CHCHD6: variants seen among roughly 807,000 people sequenced by gnomAD.
The protein encoded by CHCHD6 is MICOS complex subunit MIC25.
In CHCHD6, 28 loss-of-function variants were observed where a neutral mutation model predicts 32.3. The ratio of observed to expected loss-of-function variants is 0.87; its 90% CI spans 0.64 to 1.19. The LOEUF is 1.19. Ranked by LOEUF, CHCHD6 falls within the 50% of genes most tolerant of loss-of-function variation. The pLI, the probability that CHCHD6 is intolerant of heterozygous loss-of-function variation, is 0.00. For missense variants in CHCHD6, 333 were observed against 307.0 expected, an observed-to-expected ratio of 1.08 and a Z score of -0.63; for synonymous variants, 122 against 117.5, an observed-to-expected ratio of 1.04 and a Z score of -0.25.
chr3:126,810,046 A>AT (rs1181332122), intron 4 of CHCHD6, among the ~76,000 whole-genome samples: 1 of 152,226 alleles, frequency 6.6e-6, no homozygotes, highest in Non-Finnish European at 1.5e-5. Context: ...GACCCCTCAT[A>AT]TACAGAGAGT....
chr3:126,910,307 T>C (rs1403168765), intron 5 of CHCHD6, among the ~76,000 whole-genome samples: 3 of 75,208 alleles, frequency 4.0e-5, no homozygotes, highest in African/African-American at 1.1e-4. Context: ...AAATCTTCCC[T>C]GCCCCTCCTT....
intron 4 of CHCHD6, among the ~76,000 whole-genome samples, chr3:126,751,013 A>G (rs1197290821): frequency 6.6e-6 from 1 of 152,106 alleles, no homozygotes; most frequent in Non-Finnish European, 1.5e-5. Flanking sequence ...GGTAGGAGGG[A>G]GAGGAACGGT....
At chr3:126,803,798 A>G (rs1490639072) in intron 4 of CHCHD6, among the ~76,000 whole-genome samples, 1 of 152,188 alleles carries the variant, frequency 6.6e-6, no homozygotes, top group Non-Finnish European at 1.5e-5. Context: ...TCCAAAATTG[A>G]CCACATAGTT....
chr3:126,951,835 G>T (rs2078719628), intron 6 of CHCHD6, among the ~76,000 whole-genome samples: 1 of 152,208 alleles, frequency 6.6e-6, no homozygotes, highest in Admixed American at 6.5e-5. Context: ...ATAGCCTGAG[G>T]TCCATGGGAG....
At chr3:126,844,441 G>A (rs1022191711) in intron 4 of CHCHD6, among the ~76,000 whole-genome samples, 16 of 152,042 alleles carry the variant, frequency 1.1e-4, no homozygotes, top group African/African-American at 3.6e-4. Flanking sequence ...TAATTGTCCC[G>A]TTTATGATTA....
intron 4 of CHCHD6, among the ~76,000 whole-genome samples, chr3:126,835,982 A>G (rs761191387): frequency 2.4e-4 from 37 of 152,260 alleles, no homozygotes; most frequent in Non-Finnish European, 4.8e-4. Context: ...GTGTGCCTGT[A>G]CATGTGAGTG....
At chr3:126,949,701 T>A (rs2078690681) in intron 6 of CHCHD6, 1 of 201,112 alleles carries the variant, frequency 5.0e-6, no homozygotes, top group Non-Finnish European at 1.0e-5. Context: ...TACAGAGCCT[T>A]ATCACCAATG....
chr3:126,787,773 A>G (rs1454067029), intron 4 of CHCHD6, among the ~76,000 whole-genome samples: 2 of 152,256 alleles, frequency 1.3e-5, no homozygotes, highest in African/African-American at 4.8e-5. Flanking sequence ...ATCAGCAAAC[A>G]GGGACAGTTT....
intron 4 of CHCHD6, among the ~76,000 whole-genome samples, chr3:126,841,631 C>T (rs950187842): frequency 2.0e-5 from 3 of 151,940 alleles, no homozygotes; most frequent in Admixed American, 6.5e-5. Context: ...CTAGGCTGGG[C>T]GTGGTTGCTC....
chr3:126,852,501 G>A, intron 4 of CHCHD6, 146 bp from the exon 5 acceptor site: 3 of 611,832 alleles, frequency 4.9e-6, no homozygotes. Context: ...ATATGTGAAT[G>A]ATCTGGCATA....
chr3:126,716,262 G>T (rs1371590234), intron 1 of CHCHD6, among the ~76,000 whole-genome samples: 1 of 152,156 alleles, frequency 6.6e-6, no homozygotes, highest in African/African-American at 2.4e-5. Context: ...CTGAGCCGTG[G>T]TGCTCCTTGG....
In CHCHD6 at chr3:126,854,123, C is replaced by T. The variant is rs548526130; in HGVS notation, c.495+1393C>T. ...TGTCATTCTCCCCTCTCATCTCTAC[C>T]CTAGTTCTCCTCCTAGAAACCAAGT... On this transcript the variant is annotated intron_variant, in intron 5 of 7. Coordinates refer to ENST00000290913, the MANE Select transcript of CHCHD6 (RefSeq NM_032343.3). Among the ~76,000 whole-genome samples, 5 of 152,248 alleles carry T rather than the reference C, an allele frequency of 3.3e-5. No homozygotes were observed. The East Asian group carries it at 9.7e-4, about 29-fold the overall frequency.
intron 1 of CHCHD6, among the ~76,000 whole-genome samples, chr3:126,705,432 T>C (rs1164704778): frequency 6.6e-6 from 1 of 152,182 alleles, no homozygotes; most frequent in Non-Finnish European, 1.5e-5. Flanking sequence ...GTTAACTGAT[T>C]TAATTTTCAA....
intron 4 of CHCHD6, among the ~76,000 whole-genome samples, chr3:126,814,337 G>T (rs1447722451): frequency 6.6e-6 from 1 of 152,184 alleles, no homozygotes; most frequent in Non-Finnish European, 1.5e-5. Flanking sequence ...TTTGGTCTTT[G>T]TCCTCCTTTT....
chr3:126,952,465 A>G (rs2078728696), intron 6 of CHCHD6, among the ~76,000 whole-genome samples: 1 of 152,180 alleles, frequency 6.6e-6, no homozygotes, highest in African/African-American at 2.4e-5. Flanking sequence ...GGACAAGGGC[A>G]GGGGCCACAG....
chr3:126,816,820 G>A (rs764949446), intron 4 of CHCHD6, among the ~76,000 whole-genome samples: 96 of 151,882 alleles, frequency 6.3e-4, no homozygotes, highest in Non-Finnish European at 1.2e-3. Flanking sequence ...CCGTTAACTC[G>A]TCATTTACAT....
intron 4 of CHCHD6, among the ~76,000 whole-genome samples, chr3:126,751,438 G>T (rs140066937): frequency 4.7e-4 from 69 of 148,178 alleles, no homozygotes; most frequent in African/African-American, 1.6e-3. Flanking sequence ...GGAGGTCGAG[G>T]TTGCAGTGAG....
At chr3:126,705,698 A>G (rs1934451950) in intron 1 of CHCHD6, among the ~76,000 whole-genome samples, 1 of 152,128 alleles carries the variant, frequency 6.6e-6, no homozygotes. Flanking sequence ...CTGGGTGTAG[A>G]TGAATTAGTT....
chr3:126,804,133 C>G (rs1208484216), intron 4 of CHCHD6, among the ~76,000 whole-genome samples: 14 of 151,990 alleles, frequency 9.2e-5, no homozygotes. Flanking sequence ...AATTGACACC[C>G]TAACCTCACA....
Sources: gnomAD v4.1 joint callset for allele counts (sites outside exome capture counted in the v4.1 genomes callset) on GRCh38, gnomAD v4.1.1 for gene constraint, MANE v1.5 for transcripts, NCBI Gene and HGNC (gene_info 2026-07-23, HGNC 2026-07-21) for gene names.